Variants in MIAT observed in about 807,000 individuals in gnomAD.
MIAT encodes the protein myocardial infarction associated transcript.
chr22:26,672,643 T>A (rs1931091615), downstream of MIAT: 1 of 398,906 alleles, frequency 2.5e-6, no homozygotes, highest in Admixed American at 4.4e-5. Flanking sequence ...ATAGAAGCTG[T>A]CCTGCACAGG....
chr22:26,668,484 G>C (rs1280645940), exon 6 of MIAT: 6 of 398,790 alleles, frequency 1.5e-5, no homozygotes, highest in Non-Finnish European at 2.7e-5. Flanking sequence ...CTGGGTCTGG[G>C]GGCCCTTTCC....
intron 5 of MIAT, chr22:26,667,356 G>A (rs989257052): frequency 3.5e-5 from 14 of 396,064 alleles, no homozygotes; most frequent in East Asian, 2.5e-4. Flanking sequence ...GTGTGTGTGC[G>A]TGTGCACATG....
exon 4 of MIAT, chr22:26,666,044 A>G (rs1156645888): frequency 5.0e-6 from 2 of 398,478 alleles, no homozygotes; most frequent in Non-Finnish European, 8.8e-6. Context: ...AAGAGTTAAC[A>G]CTGTGACTTT....
chr22:26,669,016 T>C (rs73163292), exon 6 of MIAT: 31,885 of 398,476 alleles, frequency 0.08, 1,459 homozygotes, highest in South Asian at 0.11. Context: ...GCTTAAGGGG[T>C]CACCTTAGCC....
exon 1 of MIAT, chr22:26,646,685 T>C (rs1345409927): frequency 2.5e-6 from 1 of 398,560 alleles, no homozygotes; most frequent in East Asian, 3.6e-5. Context: ...GGACTGTTAA[T>C]AGCTATTGCA....
chr22:26,672,093 A>G, downstream of MIAT: 1 of 399,530 alleles, frequency 2.5e-6, no homozygotes, highest in South Asian at 1.3e-4. Flanking sequence ...TTAACAAACT[A>G]ACGGACCTGC....
At chr22:26,656,405 A>G (rs1308812001) in intron 2 of MIAT, among the ~76,000 whole-genome samples, 3 of 147,506 alleles carry the variant, frequency 2.0e-5, no homozygotes, top group Non-Finnish European at 4.5e-5. Context: ...GCTCACTGCA[A>G]CCTCCGCCTC....
rs112143238 is a variant in MIAT at position 26,675,237 on chromosome 22, C to T, written n.8905C>T. On this transcript the variant is annotated non_coding_transcript_exon_variant, in exon 5 of 5. Transcript: ENST00000613780. Reference sequence around the variant, plus strand: ...GTGGGTGGGGATGAGTTCCGGGCAGCGAGAGTGGTGGACACCAGTTTCTGG... The same window carrying T: ...GTGGGTGGGGATGAGTTCCGGGCAGTGAGAGTGGTGGACACCAGTTTCTGG... 383 of 398,750 alleles carry T rather than the reference C, an allele frequency of 9.6e-4. 1 individual carries two copies. The highest frequency in any genetic ancestry group is 6.7e-3 in the African/African-American group (328 of 48,656). 24.7% of individuals were successfully genotyped at this position (398,750 alleles called of 1,614,324 possible).
chr22:26,669,651 C>G, exon 6 of MIAT: 1 of 398,700 alleles, frequency 2.5e-6, no homozygotes, highest in Non-Finnish European at 4.4e-6. Context: ...ACAGGGTGGT[C>G]ACCGCAAACA....
intron 2 of MIAT, among the ~76,000 whole-genome samples, chr22:26,654,941 T>G (rs2145999478): frequency 6.6e-6 from 1 of 152,300 alleles, no homozygotes; most frequent in South Asian, 2.1e-4. Flanking sequence ...CTCGATCTCC[T>G]GACCTCATGA....
At chr22:26,652,106 T>C (rs953053079) in intron 2 of MIAT, among the ~76,000 whole-genome samples, 2 of 152,166 alleles carry the variant, frequency 1.3e-5, no homozygotes, top group Admixed American at 1.3e-4. Flanking sequence ...TGATCCTCTT[T>C]GCTCAGCCGT....
chr22:26,646,669 A>T (rs1282351140), exon 1 of MIAT: 1 of 398,542 alleles, frequency 2.5e-6, no homozygotes, highest in African/African-American at 2.1e-5. Flanking sequence ...TGTCCCCGGC[A>T]TCACTGGACT....
chr22:26,675,379 C>T (rs1931223931), exon 5 of MIAT: 1 of 398,662 alleles, frequency 2.5e-6, no homozygotes, highest in Non-Finnish European at 4.4e-6. Context: ...TATCCTTAGG[C>T]CTTGGGGAGC....
intron 2 of MIAT, among the ~76,000 whole-genome samples, chr22:26,662,804 A>T (rs1332134795): frequency 6.6e-6 from 1 of 152,184 alleles, no homozygotes; most frequent in Non-Finnish European, 1.5e-5. Context: ...CAACAAATGT[A>T]TGTTTTCCTG....
At chr22:26,660,086 T>C (rs2146005834) in intron 2 of MIAT, among the ~76,000 whole-genome samples, 1 of 151,330 alleles carries the variant, frequency 6.6e-6, no homozygotes, top group South Asian at 2.1e-4. Flanking sequence ...TCTGCCCGCC[T>C]CAGCCTCCCA....
At chr22:26,676,230 G>A (rs1931260565) in exon 5 of MIAT, 4 of 396,996 alleles carry the variant, frequency 1.0e-5, no homozygotes, top group Non-Finnish European at 1.3e-5. Context: ...TTCCATCAAA[G>A]GCCCTCTTGA....
chr22:26,673,768 G>A (rs1024296948), downstream of MIAT: 1 of 398,726 alleles, frequency 2.5e-6, no homozygotes, highest in African/African-American at 2.1e-5. Flanking sequence ...ACAATCAGAA[G>A]TCGGTAAAGA....
At chr22:26,665,429 C>T (rs1930812197) in intron 3 of MIAT, 1 of 398,646 alleles carries the variant, frequency 2.5e-6, no homozygotes, top group Non-Finnish European at 4.4e-6. Flanking sequence ...TTGAAACCTC[C>T]ATCACCTTAT....
intron 2 of MIAT, among the ~76,000 whole-genome samples, chr22:26,656,372 T>C (rs1011435112): frequency 6.6e-6 from 1 of 150,588 alleles, no homozygotes; most frequent in Non-Finnish European, 1.5e-5. Flanking sequence ...TCACCCGGGC[T>C]AGAGTACAGT....
Sources: gnomAD v4.1 joint callset for allele counts (sites outside exome capture counted in the v4.1 genomes callset) on GRCh38, gnomAD v4.1.1 for gene constraint, MANE v1.5 for transcripts, NCBI Gene and HGNC (gene_info 2026-07-23, HGNC 2026-07-21) for gene names.